Variants in DPP10 observed in about 807,000 individuals in gnomAD.
DPP10 encodes inactive dipeptidyl peptidase 10.
In DPP10, 33 loss-of-function variants were observed where a neutral mutation model predicts 120.9. The observed-to-expected ratio is 0.27, with a 90% CI of 0.21 to 0.37. DPP10 has a LOEUF of 0.37. Ranked by LOEUF, DPP10 falls within the 10% of genes least tolerant of loss-of-function variation. DPP10 has a pLI of 1.00. For synonymous variants in DPP10, 337 were observed against 326.1 expected (o/e 1.03, Z -0.36); for missense variants, 816 against 942.8 (o/e 0.87, Z 1.76).
intron 1 of DPP10, among the ~76,000 whole-genome samples, chr2:114,963,568 C>A (rs1228791144): frequency 1.3e-5 from 2 of 152,124 alleles, no homozygotes; most frequent in African/African-American, 4.8e-5. Context: ...CTCTACATAA[C>A]CAGGCTGATG....
intron 8 of DPP10, among the ~76,000 whole-genome samples, chr2:115,736,341 T>A (rs1362757118): frequency 2.6e-5 from 4 of 152,112 alleles, no homozygotes; most frequent in Admixed American, 2.6e-4. Context: ...AAACAAATAG[T>A]GCCAAAACTG....
chr2:115,399,568 A>T (rs1022579268), intron 3 of DPP10, among the ~76,000 whole-genome samples: 5 of 152,178 alleles, frequency 3.3e-5, no homozygotes, highest in Non-Finnish European at 7.4e-5. Flanking sequence ...ATTTTGCTTT[A>T]GAATCAACTC....
intron 7 of DPP10, among the ~76,000 whole-genome samples, chr2:115,696,037 A>T (rs1183774261): frequency 6.6e-6 from 1 of 152,128 alleles, no homozygotes; most frequent in African/African-American, 2.4e-5. Flanking sequence ...TGAAGATAAG[A>T]CAAGTGAAAT....
chr2:115,503,637 A>G (rs1038007164), intron 4 of DPP10, among the ~76,000 whole-genome samples: 1 of 152,176 alleles, frequency 6.6e-6, no homozygotes, highest in Non-Finnish European at 1.5e-5. Flanking sequence ...TCTACTCAGT[A>G]TCTGTTGGAA....
intron 1 of DPP10, among the ~76,000 whole-genome samples, chr2:114,848,325 C>T (rs550255576): frequency 2.0e-5 from 3 of 152,086 alleles, no homozygotes; most frequent in Non-Finnish European, 4.4e-5. Flanking sequence ...AGATATGAGT[C>T]CAAGATTCAC....
At chr2:115,192,034 G>A (rs1000927401) in intron 1 of DPP10, among the ~76,000 whole-genome samples, 2 of 152,156 alleles carry the variant, frequency 1.3e-5, no homozygotes, top group African/African-American at 4.8e-5. Context: ...AGGGTAATAG[G>A]CCTTTCTACT....
chr2:114,684,831 G>A (rs2105732785), intron 1 of DPP10, among the ~76,000 whole-genome samples: 1 of 152,058 alleles, frequency 6.6e-6, no homozygotes, highest in East Asian at 1.9e-4. Context: ...CATGTGCGTA[G>A]GTCTGAATTC....
chr2:114,663,666 T>TAGAGAGAGAGAGAGAGAGAGAGAGAG (rs1264946349), intron 1 of DPP10, among the ~76,000 whole-genome samples: 17 of 92,600 alleles, frequency 1.8e-4, no homozygotes, highest in African/African-American at 1.1e-3. Flanking sequence ...TATATATATA[T>TAGAGAGAGAGAGAGAGAGAGAGAGAG]ATAGAGAGAG....
At chr2:114,736,740 T>C (rs1341376948) in intron 1 of DPP10, among the ~76,000 whole-genome samples, 1 of 152,200 alleles carries the variant, frequency 6.6e-6, no homozygotes, top group African/African-American at 2.4e-5. Context: ...ACAGTGCAAA[T>C]TGAGAAGATA....
At chr2:115,570,387 A>G (rs1457511630) in intron 5 of DPP10, among the ~76,000 whole-genome samples, 1 of 152,244 alleles carries the variant, frequency 6.6e-6, no homozygotes, top group Non-Finnish European at 1.5e-5. Context: ...CACACTTGTA[A>G]GAAAGTAATT....
chr2:115,165,592 G>A (rs1461515637), intron 1 of DPP10, among the ~76,000 whole-genome samples: 1 of 152,080 alleles, frequency 6.6e-6, no homozygotes, highest in Admixed American at 6.5e-5. Flanking sequence ...ATTTATAGGA[G>A]CTTTTTTTGA....
chr2:114,672,367 C>G (rs1039931814), intron 1 of DPP10, among the ~76,000 whole-genome samples: 1 of 152,120 alleles, frequency 6.6e-6, no homozygotes, highest in African/African-American at 2.4e-5. Context: ...TTCTCTTTCT[C>G]CCCCCATTTC....
chr2:115,554,322 A>G (rs2080075603), intron 5 of DPP10, among the ~76,000 whole-genome samples: 1 of 151,816 alleles, frequency 6.6e-6, no homozygotes, highest in South Asian at 2.1e-4. Context: ...TCAAGTTTCT[A>G]TTTTTAGTTC....
At chr2:114,543,720 C>T (rs1185323653) in intron 1 of DPP10, among the ~76,000 whole-genome samples, 2 of 152,070 alleles carry the variant, frequency 1.3e-5, no homozygotes, top group Admixed American at 6.6e-5. Flanking sequence ...TTGTGTAGTG[C>T]TGCTTTTAAA....
intron 5 of DPP10, among the ~76,000 whole-genome samples, chr2:115,588,179 A>T (rs2082408013): frequency 6.6e-6 from 1 of 152,118 alleles, no homozygotes; most frequent in Non-Finnish European, 1.5e-5. Context: ...TCTCTTACCC[A>T]TTGGGTATTT....
At chr2:114,902,565 A>G (rs942119865) in intron 1 of DPP10, among the ~76,000 whole-genome samples, 1 of 152,172 alleles carries the variant, frequency 6.6e-6, no homozygotes, top group Non-Finnish European at 1.5e-5. Context: ...TGTTATTTTT[A>G]TGTGCATTTT....
chr2:114,891,114 A>G (rs1398819390), intron 1 of DPP10, among the ~76,000 whole-genome samples: 1 of 152,186 alleles, frequency 6.6e-6, no homozygotes, highest in Non-Finnish European at 1.5e-5. Flanking sequence ...CAAGTTTTAG[A>G]CAAATTCCAA....
chr2:115,417,284 AAAT>A (rs2069517579), intron 3 of DPP10, among the ~76,000 whole-genome samples: 1 of 152,110 alleles, frequency 6.6e-6, no homozygotes, highest in Admixed American at 6.6e-5. Context: ...GAAACCCCCC[AAAT>A]AATGTAAAAA....
intron 1 of DPP10, among the ~76,000 whole-genome samples, chr2:114,546,866 T>C (rs1558868207): frequency 6.6e-6 from 1 of 152,312 alleles, no homozygotes; most frequent in South Asian, 2.1e-4. Flanking sequence ...AAATAGAGAA[T>C]GTATGTGGGC....
Sources: allele counts gnomAD v4.1 joint callset (sites outside exome capture counted in the v4.1 genomes callset), GRCh38; gene constraint gnomAD v4.1.1; transcripts MANE v1.5; gene names NCBI Gene and HGNC (gene_info 2026-07-23, HGNC 2026-07-21).